The following ST7 variants were observed in gnomAD, a reference collection of about 807,000 sequenced individuals.
ST7 encodes the protein suppressor of tumorigenicity 7 protein.
A neutral mutation model predicts 78.7 loss-of-function variants in ST7; 28 were observed. That is an observed-to-expected ratio of 0.36 (90% confidence interval 0.26 to 0.49). ST7 has a LOEUF of 0.49. ST7 is among the 20% of genes least tolerant of loss of function. ST7 has a pLI of 0.99. For missense variants in ST7, 418 were observed against 696.0 expected, an observed-to-expected ratio of 0.60 and a Z score of 4.49; for synonymous variants, 247 against 249.6, an observed-to-expected ratio of 0.99 and a Z score of 0.10.
At chr7:116,955,566 G>A (rs1167947708) in intron 1 of ST7, among the ~76,000 whole-genome samples, 1 of 151,940 alleles carries the variant, frequency 6.6e-6, no homozygotes, top group African/African-American at 2.4e-5. Context: ...TTTGCACTTG[G>A]GATTTTCAAA....
intron 1 of ST7, among the ~76,000 whole-genome samples, chr7:116,989,732 A>G (rs1794343592): frequency 6.6e-6 from 1 of 151,692 alleles, no homozygotes; most frequent in South Asian, 2.1e-4. Flanking sequence ...CTAGCTGCTC[A>G]GGAGGCTGAG....
At chr7:116,965,106 G>C (rs921992921) in intron 1 of ST7, among the ~76,000 whole-genome samples, 1 of 152,158 alleles carries the variant, frequency 6.6e-6, no homozygotes, top group Non-Finnish European at 1.5e-5. Flanking sequence ...TTGGGAGGCC[G>C]AGGCGGGCAG....
chr7:117,015,143 G>T (rs1795547355), intron 1 of ST7: 2 of 453,774 alleles, frequency 4.4e-6, no homozygotes, highest in East Asian at 3.9e-5. Flanking sequence ...GTTTATTCCT[G>T]AGTATTGTAT....
chr7:117,066,486 G>T lies in ST7; in HGVS notation c.152-33276G>T, dbSNP rs114432078. Reference sequence around the variant, plus strand: ...CTTTAAAAATGTGAGATTCAGCCAGGCGTGGTGGCTAACGCCTGTAATCCC... The same window carrying T: ...CTTTAAAAATGTGAGATTCAGCCAGTCGTGGTGGCTAACGCCTGTAATCCC... On this transcript the variant is annotated intron_variant, in intron 1 of 15. Transcript: ENST00000323984. Among the ~76,000 whole-genome samples the T allele has an allele frequency of 4.4e-3, 674 of 152,206 alleles. 5 individuals are homozygous for T. Among genetic ancestry groups the T allele is most frequent in the African/African-American group, 0.015 (634 of 41,528 alleles).
chr7:116,986,612 TC>T (rs1217400110), intron 1 of ST7, among the ~76,000 whole-genome samples: 1 of 152,082 alleles, frequency 6.6e-6, no homozygotes, highest in Non-Finnish European at 1.5e-5. Context: ...TAAGTACCAA[TC>T]CCAGTTGACA....
At chr7:117,159,517 TG>T (rs1329841492) in intron 9 of ST7, among the ~76,000 whole-genome samples, 1 of 152,192 alleles carries the variant, frequency 6.6e-6, no homozygotes, top group Admixed American at 6.5e-5. Context: ...AACAGAACTA[TG>T]CTAGATAGTG....
chr7:117,129,648 C>T (rs939976396), intron 3 of ST7, 145 bp from the exon 4 acceptor site: 3 of 691,342 alleles, frequency 4.3e-6, no homozygotes, highest in East Asian at 5.9e-5. Flanking sequence ...ATTAACCACC[C>T]AGAGTTTTTC....
chr7:117,138,086 GTAAC>G, intron 8 of ST7, among the ~76,000 whole-genome samples: 1 of 152,118 alleles, frequency 6.6e-6, no homozygotes, highest in Non-Finnish European at 1.5e-5. Context: ...TCATCAGGAT[GTAAC>G]CTGAGATTCA....
At chr7:117,087,823 A>T (rs1760491641) in intron 1 of ST7, among the ~76,000 whole-genome samples, 1 of 152,162 alleles carries the variant, frequency 6.6e-6, no homozygotes, top group Non-Finnish European at 1.5e-5. Context: ...TAACTCTGCA[A>T]CATCTGATAT....
intron 1 of ST7, among the ~76,000 whole-genome samples, chr7:116,973,162 T>C (rs772236983): frequency 6.6e-6 from 1 of 152,064 alleles, no homozygotes; most frequent in East Asian, 1.9e-4. Context: ...ACTCCCATGA[T>C]AGTGGGTTTT....
chr7:116,989,582 T>C (rs527385520), intron 1 of ST7, among the ~76,000 whole-genome samples: 1 of 152,166 alleles, frequency 6.6e-6, no homozygotes, highest in Non-Finnish European at 1.5e-5. Context: ...AATGAGGCTG[T>C]AATCCCAGCA....
intron 1 of ST7, among the ~76,000 whole-genome samples, chr7:117,035,781 A>G (rs1319612792): frequency 1.3e-5 from 2 of 151,888 alleles, no homozygotes; most frequent in Admixed American, 6.6e-5. Flanking sequence ...TTGGCATTGA[A>G]TGTACTCTAA....
intron 1 of ST7, chr7:116,972,816 C>T: frequency 9.8e-7 from 1 of 1,021,352 alleles, no homozygotes; most frequent in Non-Finnish European, 1.5e-6. Context: ...CAACTTCTCA[C>T]TGGAGACGAT....
At chr7:116,961,555 CGTGTGTGTGTGTGT>C (rs35640208) in intron 1 of ST7, among the ~76,000 whole-genome samples, 1 of 138,432 alleles carries the variant, frequency 7.2e-6, no homozygotes, top group African/African-American at 2.7e-5. Context: ...TGTATTCCTA[CGTGTGTGTGTGTGT>C]GTGTGTGTGT....
chr7:117,078,383 C>A (rs1275157629), intron 1 of ST7, among the ~76,000 whole-genome samples: 2 of 152,212 alleles, frequency 1.3e-5, no homozygotes, highest in Non-Finnish European at 2.9e-5. Flanking sequence ...GAGCATTGCT[C>A]ATTAGTTGCT....
At position 116,979,251 on chromosome 7, in the gene ST7, A is replaced by C. The variant is rs1358817201; in HGVS notation, c.151+25560A>C. Reference sequence around the variant, plus strand: ...CAGGGAAAGTGGAAGGGGAGGGACAAATGGAAAAATAACTAGCAGAAGACA... The same window carrying C: ...CAGGGAAAGTGGAAGGGGAGGGACACATGGAAAAATAACTAGCAGAAGACA... On this transcript the variant is annotated intron_variant, in intron 1 of 15. Coordinates refer to ENST00000323984, the MANE Select transcript of ST7 (RefSeq NM_001369598.1). 2.0e-4 allele frequency among the ~76,000 whole-genome samples: 30 copies of C among 152,218 alleles called. 1 individual carries two copies. The highest frequency in any genetic ancestry group is 2.0e-3 in the Admixed American group (30 of 15,284).
chr7:117,111,487 TTAAC>T (rs1198613184), intron 2 of ST7, among the ~76,000 whole-genome samples: 1 of 152,182 alleles, frequency 6.6e-6, no homozygotes, highest in African/African-American at 2.4e-5. Context: ...AAAAAGTCAA[TTAAC>T]TGAACAGATA....
chr7:116,958,490 C>T (rs1792645473), intron 1 of ST7: 1 of 348,992 alleles, frequency 2.9e-6, no homozygotes, highest in African/African-American at 2.2e-5. Flanking sequence ...GATTTCCCTT[C>T]TAGAGGGTCT....
At chr7:117,042,546 G>A (rs576921567) in intron 1 of ST7, among the ~76,000 whole-genome samples, 54 of 152,144 alleles carry the variant, frequency 3.5e-4, no homozygotes, top group Non-Finnish European at 5.3e-4. Flanking sequence ...GATTAGACGA[G>A]TATCACTCTG....
Sources: gnomAD v4.1 joint callset for allele counts (sites outside exome capture counted in the v4.1 genomes callset) on GRCh38, gnomAD v4.1.1 for gene constraint, MANE v1.5 for transcripts, NCBI Gene and HGNC (gene_info 2026-07-23, HGNC 2026-07-21) for gene names.